Variants in CR1L observed in about 807,000 individuals in gnomAD.
CR1L encodes complement C3b/C4b receptor 1 like.
CR1L carries 59 observed loss-of-function variants against 62.3 expected under a neutral mutation model. The ratio of observed to expected loss-of-function variants is 0.95; its 90% CI spans 0.77 to 1.18. The LOEUF (loss-of-function observed/expected upper bound fraction) is 1.18. Among genes scored for constraint, CR1L ranks in the 50% most tolerant of loss-of-function variants. The pLI is 0.00. For missense variants in CR1L, 700 were observed against 702.8 expected (o/e 1.00, Z 0.04); for synonymous variants, 279 against 248.7 (o/e 1.12, Z -1.15).
chr1:207,716,407 G>A (rs936659336), intron 10 of CR1L, among the ~76,000 whole-genome samples: 1 of 152,012 alleles, frequency 6.6e-6, no homozygotes, highest in African/African-American at 2.4e-5. Context: ...AATTCAGAAA[G>A]AATTCAGAAA....
At chr1:207,713,511 G>A (rs571365606) in intron 10 of CR1L, among the ~76,000 whole-genome samples, 1 of 152,344 alleles carries the variant, frequency 6.6e-6, no homozygotes, top group Admixed American at 6.5e-5. Context: ...CAGGATCAAT[G>A]CAGGAGACAC....
At chr1:207,685,439 C>T (rs1274347103) in intron 4 of CR1L, among the ~76,000 whole-genome samples, 1 of 152,206 alleles carries the variant, frequency 6.6e-6, no homozygotes, top group African/African-American at 2.4e-5. Flanking sequence ...TATGCTTATA[C>T]AAATCAAATA....
chr1:207,691,770 A>G (rs2102466855), intron 4 of CR1L, among the ~76,000 whole-genome samples: 1 of 152,342 alleles, frequency 6.6e-6, no homozygotes, highest in African/African-American at 2.4e-5. Flanking sequence ...AACTATTAAT[A>G]TTTAATTCCA....
At chr1:207,651,562 G>A (rs1663224526) in intron 1 of CR1L, among the ~76,000 whole-genome samples, 1 of 151,988 alleles carries the variant, frequency 6.6e-6, no homozygotes, top group African/African-American at 2.4e-5. Flanking sequence ...GCATTCTGTT[G>A]GCCCTTTAGG....
chr1:207,697,449 T>C, intron 5 of CR1L, 54 bp from the exon 6 acceptor site: 1 of 1,612,850 alleles, frequency 6.2e-7, no homozygotes, highest in South Asian at 1.1e-5. Context: ...AGTTTAACAG[T>C]GAGAGAAAAG....
At position 207,669,183 on chromosome 1, in the gene CR1L, T is replaced by G. The variant is rs531775435; in HGVS notation, c.98-8206T>G. 3 of 315,856 alleles carry G rather than the reference T, an allele frequency of 9.5e-6. No individual in the cohort carries two copies. In the South Asian group the frequency reaches 9.6e-5, roughly 10 times the overall value. The allele number at this position is 315,856 out of a possible 1,614,324, so 19.6% of individuals were successfully genotyped here. The stretch of plus-strand genomic sequence containing the variant: ...CGGGATCCATCGGAAGCCCAAGCAT[T>G]GTCAAGCTCTGCTGCTGCACCTGGG... On this transcript the variant is annotated intron_variant, in intron 1 of 11. Coordinates refer to ENST00000508064, the MANE Select transcript of CR1L (RefSeq NM_175710.2).
intron 1 of CR1L, among the ~76,000 whole-genome samples, chr1:207,648,653 C>A (rs1399963217): frequency 6.6e-6 from 1 of 152,168 alleles, no homozygotes; most frequent in Non-Finnish European, 1.5e-5. Flanking sequence ...TTGGACAAAA[C>A]CCCCGATCTC....
At position 207,670,281 on chromosome 1, in the gene CR1L, A is replaced by T. The variant is rs571786424; in HGVS notation, c.98-7108A>T. ...ACAGATGCATGCCAGGCACTTGGGG[A>T]TTAGAAGAGCAAGGGAAGCCCCAGA... On this transcript the variant is annotated intron_variant, in intron 1 of 11. Coordinates refer to ENST00000508064, the MANE Select transcript of CR1L (RefSeq NM_175710.2). 2.6e-5 allele frequency among the ~76,000 whole-genome samples: 4 copies of T among 151,254 alleles called. No homozygotes were observed. In the South Asian group the frequency reaches 8.3e-4, roughly 31 times the overall value.
intron 1 of CR1L, among the ~76,000 whole-genome samples, chr1:207,662,639 T>C (rs1663443682): frequency 1.3e-5 from 2 of 152,360 alleles, no homozygotes; most frequent in Admixed American, 1.3e-4. Context: ...AGCCTTCTTC[T>C]CTCAACTCAT....
intron 3 of CR1L, among the ~76,000 whole-genome samples, chr1:207,679,781 A>G (rs1466800752): frequency 6.6e-6 from 1 of 152,216 alleles, no homozygotes; most frequent in Non-Finnish European, 1.5e-5. Flanking sequence ...ATGAGCTATC[A>G]AGCCATGAAG....
At chr1:207,690,558 T>C (rs747123917) in intron 4 of CR1L, among the ~76,000 whole-genome samples, 5 of 152,224 alleles carry the variant, frequency 3.3e-5, no homozygotes, top group African/African-American at 4.8e-5. Context: ...ACTTTTTTTC[T>C]CCCTCCACTT....
chr1:207,700,059 TA>T (rs74186579), intron 8 of CR1L, among the ~76,000 whole-genome samples: 5,849 of 152,300 alleles, frequency 0.038, 179 homozygotes, highest in South Asian at 0.12. Flanking sequence ...ATATGTTCAA[TA>T]ATCAGTAGAC....
chr1:207,697,459 G>C, intron 5 of CR1L, 44 bp from the exon 6 acceptor site: 2 of 1,613,210 alleles, frequency 1.2e-6, no homozygotes, highest in Non-Finnish European at 1.7e-6. Context: ...TGAGAGAAAA[G>C]TTATTTTCAC....
chr1:207,652,423 T>C, intron 1 of CR1L: 1 of 660,952 alleles, frequency 1.5e-6, no homozygotes, highest in East Asian at 2.8e-5. Flanking sequence ...CATGGAACAG[T>C]CATTTAAAAT....
intron 9 of CR1L, among the ~76,000 whole-genome samples, chr1:207,703,232 C>A (rs4562622): frequency 0.061 from 9,244 of 152,200 alleles, 622 homozygotes; most frequent in East Asian, 0.37. Context: ...ATCTATTGGA[C>A]CTTCATAGCT....
At chr1:207,683,442 A>T (rs10779362) in intron 3 of CR1L, among the ~76,000 whole-genome samples, 70,432 of 151,938 alleles carry the variant, frequency 0.46, 16,823 homozygotes, top group East Asian at 0.69. Context: ...TGGCCTACTT[A>T]GATGAATCTT....
chr1:207,697,642 C>T lies in CR1L; in HGVS notation c.1002C>T (p.Pro334=). Residue 334 remains proline, a synonymous_variant, in exon 6 of 12, where the codon CCC becomes CCT. Coordinates refer to ENST00000508064, the MANE Select transcript of CR1L (RefSeq NM_175710.2). Reference sequence around the variant, plus strand: ...GATCTACGTATTTGCACTGCACACCCCAGGGAGACTGGAGCCCTGCAGCCC... The same window carrying T: ...GATCTACGTATTTGCACTGCACACCTCAGGGAGACTGGAGCCCTGCAGCCC... ...LRGSTYLHCT[P]QGDWSPAAPR... The T allele has an allele frequency of 6.2e-7, 1 of 1,614,016 alleles. No individual in the cohort carries two copies. The highest frequency in any genetic ancestry group is 8.5e-7 in the Non-Finnish European group (1 of 1,179,898).
At chr1:207,664,600 T>A (rs1663483633) in intron 1 of CR1L, among the ~76,000 whole-genome samples, 2 of 152,286 alleles carry the variant, frequency 1.3e-5, no homozygotes, top group South Asian at 2.1e-4. Flanking sequence ...AGTGGGTATA[T>A]GTACTAATAC....
intron 1 of CR1L, chr1:207,652,490 G>A: frequency 1.0e-6 from 1 of 981,374 alleles, no homozygotes. Flanking sequence ...CACAGTCCAT[G>A]GCTGATGAAA....
Sources: allele counts gnomAD v4.1 joint callset (sites outside exome capture counted in the v4.1 genomes callset), GRCh38; gene constraint gnomAD v4.1.1; transcripts MANE v1.5; gene names NCBI Gene and HGNC (gene_info 2026-07-23, HGNC 2026-07-21).